The following PIK3CA variants were observed in gnomAD, a reference collection of about 807,000 sequenced individuals.
The protein encoded by PIK3CA is phosphatidylinositol-4,5-bisphosphate 3-kinase catalytic subunit alpha, also known as phosphatidylinositol 4,5-bisphosphate 3-kinase catalytic subunit alpha isoform.
PIK3CA carries 27 observed loss-of-function variants against 138.2 expected under a neutral mutation model. The ratio of observed to expected loss-of-function variants is 0.20; its 90% CI spans 0.14 to 0.27. The LOEUF (loss-of-function observed/expected upper bound fraction) is 0.27, where lower values mean the gene tolerates loss of function less well. Ranked by LOEUF, PIK3CA falls within the 10% of genes least tolerant of loss-of-function variation. The pLI is 1.00. For synonymous variants in PIK3CA, 358 were observed against 413.2 expected, an observed-to-expected ratio of 0.87 and a Z score of 1.62; for missense variants, 544 against 1,277.4, an observed-to-expected ratio of 0.43 and a Z score of 8.75.
At chr3:179,214,601 CA>C (rs1178494799) in intron 9 of PIK3CA, among the ~76,000 whole-genome samples, 5 of 151,746 alleles carry the variant, frequency 3.3e-5, no homozygotes, top group African/African-American at 1.2e-4. Flanking sequence ...TAAGAATTAC[CA>C]AAATGTGACA....
At chr3:179,215,698 T>A (rs1290440279) in intron 9 of PIK3CA, among the ~76,000 whole-genome samples, 2 of 152,142 alleles carry the variant, frequency 1.3e-5, no homozygotes, top group Admixed American at 1.3e-4. Flanking sequence ...TCTTTGTAAT[T>A]TTTTTGTTTG....
At chr3:179,201,145 T>G (rs940920141) in intron 3 of PIK3CA, 145 bp from the exon 4 acceptor site, 22 of 670,896 alleles carry the variant, frequency 3.3e-5, no homozygotes, top group Admixed American at 2.5e-4. Flanking sequence ...TTTCTGTTTC[T>G]ACCTGATATT....
chr3:179,187,514 G>T (rs1724016741), intron 1 of PIK3CA, among the ~76,000 whole-genome samples: 1 of 133,438 alleles, frequency 7.5e-6, no homozygotes, highest in Admixed American at 7.5e-5. Flanking sequence ...CTCCAGCCTG[G>T]GCAACAGAGC....
chr3:179,150,654 C>T (rs1722993161), intron 1 of PIK3CA, among the ~76,000 whole-genome samples: 1 of 152,164 alleles, frequency 6.6e-6, no homozygotes, highest in Non-Finnish European at 1.5e-5. Context: ...GTTTTGCTTG[C>T]TCTGTGCGTG....
chr3:179,192,982 A>G (rs1249811694), intron 1 of PIK3CA, among the ~76,000 whole-genome samples: 1 of 152,242 alleles, frequency 6.6e-6, no homozygotes, highest in Non-Finnish European at 1.5e-5. Context: ...ACCTTCCAGT[A>G]TAAAAGTCAA....
intron 1 of PIK3CA, 49 bp from the exon 2 acceptor site, chr3:179,198,698 ATTC>A: frequency 1.9e-6 from 1 of 530,336 alleles, no homozygotes; most frequent in East Asian, 3.1e-5. Context: ...TTATAAATGT[ATTC>A]TTCTGTAGTT....
intron 1 of PIK3CA, among the ~76,000 whole-genome samples, chr3:179,175,869 G>T (rs974381418): frequency 1.8e-4 from 28 of 151,784 alleles, no homozygotes; most frequent in Non-Finnish European, 1.6e-4. Flanking sequence ...TTTAATATTG[G>T]AGACATTCCT....
chr3:179,183,411 G>A (rs773958371), intron 1 of PIK3CA, among the ~76,000 whole-genome samples: 3 of 151,962 alleles, frequency 2.0e-5, no homozygotes, highest in Non-Finnish European at 2.9e-5. Flanking sequence ...AATATCTTAC[G>A]TTCATTAGAG....
intron 1 of PIK3CA, among the ~76,000 whole-genome samples, chr3:179,151,913 A>C (rs1723023621): frequency 6.6e-6 from 1 of 152,176 alleles, no homozygotes. Flanking sequence ...ACCTCACTGC[A>C]TTGTAATTGC....
chr3:179,164,363 GTAA>G (rs369905166), intron 1 of PIK3CA, among the ~76,000 whole-genome samples: 10 of 152,166 alleles, frequency 6.6e-5, no homozygotes, highest in African/African-American at 2.4e-4. Flanking sequence ...ATAAATTTCT[GTAA>G]TAAACATGGG....
intron 4 of PIK3CA, among the ~76,000 whole-genome samples, chr3:179,203,306 A>G (rs1455617525): frequency 6.6e-6 from 1 of 152,014 alleles, no homozygotes; most frequent in African/African-American, 2.4e-5. Context: ...TCAAAAGTTG[A>G]CCTTAATTTT....
intron 9 of PIK3CA, 99 bp from the exon 10 acceptor site, chr3:179,218,111 T>G: frequency 4.3e-6 from 5 of 1,154,744 alleles, no homozygotes; most frequent in African/African-American, 1.6e-5. Flanking sequence ...AATGTAAAAT[T>G]TATTGAAAAT....
intron 1 of PIK3CA, among the ~76,000 whole-genome samples, chr3:179,178,080 C>CA (rs770394983): frequency 0.018 from 1,098 of 59,482 alleles, 15 homozygotes; most frequent in African/African-American, 0.05. Context: ...TCTGTCTTTA[C>CA]AAAAAAAAAA....
In PIK3CA at chr3:179,236,196, G is replaced by C; in HGVS notation, c.*1832G>C. ...ATCTGGCTATTTTAGATCCCTTAAA[G>C]GGCATAATTATTGGAAATTTAGGTA... On this transcript the variant is annotated 3_prime_UTR_variant, in exon 21 of 21. Transcript: ENST00000263967. 2 of 204,370 alleles carry C rather than the reference G, an allele frequency of 9.8e-6. No homozygotes were observed. Among genetic ancestry groups the C allele is most frequent in the Non-Finnish European group, 2.0e-5 (2 of 99,802 alleles). The allele number at this position is 204,370 out of a possible 1,614,324, so 12.7% of individuals were successfully genotyped here. A position where few individuals can be genotyped will look rare whatever the true frequency, so the allele number is the denominator to read the frequency against.
chr3:179,186,840 T>C lies in PIK3CA; in HGVS notation c.-76-11910T>C, dbSNP rs370974604. ...TCCTTTATATTAGACCATGATTCCT[T>C]GCTAAGTTGGTCTCTTCATTGATCT... On this transcript the variant is annotated intron_variant, in intron 1 of 20. Transcript: ENST00000263967. 3.3e-5 allele frequency among the ~76,000 whole-genome samples: 5 copies of C among 152,168 alleles called. No homozygotes were observed. The East Asian group carries it at 9.6e-4, about 29-fold the overall frequency.
At chr3:179,165,786 G>A (rs561107944) in intron 1 of PIK3CA, among the ~76,000 whole-genome samples, 15 of 152,162 alleles carry the variant, frequency 9.9e-5, no homozygotes, top group African/African-American at 3.6e-4. Context: ...AGGTTATTGT[G>A]GACCCCTGTT....
chr3:179,199,465 C>T (rs904462349), intron 2 of PIK3CA, among the ~76,000 whole-genome samples: 1 of 151,744 alleles, frequency 6.6e-6, no homozygotes, highest in African/African-American at 2.4e-5. Context: ...ATGTTTGCTG[C>T]CTTTGCTCTA....
intron 1 of PIK3CA, among the ~76,000 whole-genome samples, chr3:179,165,098 C>T (rs1403495461): frequency 6.6e-6 from 1 of 152,088 alleles, no homozygotes; most frequent in Non-Finnish European, 1.5e-5. Context: ...TTACTTTCCA[C>T]ACTGCTGTAA....
chr3:179,233,324 A>G (rs1479730176), intron 20 of PIK3CA: 1 of 398,108 alleles, frequency 2.5e-6, no homozygotes, highest in Non-Finnish European at 4.4e-6. Flanking sequence ...TTCCCCATTC[A>G]GTATGATATT....
Sources: gnomAD v4.1 joint callset for allele counts (sites outside exome capture counted in the v4.1 genomes callset) on GRCh38, gnomAD v4.1.1 for gene constraint, MANE v1.5 for transcripts, NCBI Gene and HGNC (gene_info 2026-07-23, HGNC 2026-07-21) for gene names.